The following PFKFB3 variants were observed in gnomAD, a reference collection of about 807,000 sequenced individuals.
PFKFB3 encodes 6-phosphofructo-2-kinase/fructose-2,6-biphosphatase 3, also known as 6-phosphofructo-2-kinase/fructose-2,6-bisphosphatase 3.
In PFKFB3, 33 loss-of-function variants were observed where a neutral mutation model predicts 68.0. The observed-to-expected ratio is 0.49, with a 90% CI of 0.37 to 0.65. The LOEUF is 0.65. PFKFB3 is among the 30% of genes least tolerant of loss of function. The probability of loss-of-function intolerance (pLI) is 0.00; values close to 1 mark genes in which losing one functional copy is unlikely to be tolerated. For missense variants in PFKFB3, 586 were observed against 712.2 expected, an observed-to-expected ratio of 0.82 and a Z score of 2.02; for synonymous variants, 315 against 288.2, an observed-to-expected ratio of 1.09 and a Z score of -0.94.
At chr10:6,250,215 G>C (rs1846349549) in intron 14 of PFKFB3, among the ~76,000 whole-genome samples, 1 of 152,136 alleles carries the variant, frequency 6.6e-6, no homozygotes, top group Admixed American at 6.5e-5. Flanking sequence ...TAAGAGATGT[G>C]CTATGGTTTG....
At chr10:6,206,722 T>A (rs1440355345) in intron 1 of PFKFB3, among the ~76,000 whole-genome samples, 1 of 144,736 alleles carries the variant, frequency 6.9e-6, no homozygotes, top group African/African-American at 2.6e-5. Flanking sequence ...ACTGCCTAGA[T>A]GGGATGGCGG....
chr10:6,178,867 C>T (rs1842617397), intron 1 of PFKFB3, among the ~76,000 whole-genome samples: 1 of 152,188 alleles, frequency 6.6e-6, no homozygotes, highest in African/African-American at 2.4e-5. Context: ...CGCACTGGTC[C>T]CTACCTTGGA....
chr10:6,150,634 T>C (rs1410090950), intron 1 of PFKFB3, among the ~76,000 whole-genome samples: 2 of 151,142 alleles, frequency 1.3e-5, no homozygotes, highest in South Asian at 2.1e-4. Context: ...AAAATAACAA[T>C]AATAATAAAT....
At chr10:6,216,215 C>T in intron 4 of PFKFB3, 24 bp downstream of exon 4, 1 of 1,609,324 alleles carries the variant, frequency 6.2e-7, no homozygotes, top group Non-Finnish European at 8.5e-7. Context: ...ATGTAGCCGG[C>T]TCGGTGTCCA....
In PFKFB3 at chr10:6,205,779, ATTAT is replaced by A. The variant is rs57825789; in HGVS notation, c.76+2469_76+2472del. Among the ~76,000 whole-genome samples the A allele has an allele frequency of 7.8e-3, 1,147 of 146,282 alleles. 16 individuals are homozygous for A. The highest frequency in any genetic ancestry group is 0.026 in the African/African-American group (1,045 of 39,746). Reference sequence around the variant, plus strand: ...TCTGCAGCAGAGTTCCCTGAGGTTTATTATTTATTTATTTATTTATTTATTTATT... The same window carrying A: ...TCTGCAGCAGAGTTCCCTGAGGTTTATTATTTATTTATTTATTTATTTATT... On this transcript the variant is annotated intron_variant, in intron 1 of 14. Coordinates refer to ENST00000379775, the MANE Select transcript of PFKFB3 (RefSeq NM_004566.4).
At chr10:6,250,219 T>C (rs1846349751) in intron 14 of PFKFB3, among the ~76,000 whole-genome samples, 2 of 152,220 alleles carry the variant, frequency 1.3e-5, no homozygotes, top group East Asian at 1.9e-4. Context: ...AGATGTGCTA[T>C]GGTTTGAATG....
At chr10:6,275,991 G>A in the PFKFB3 span, among the ~76,000 whole-genome samples, 1 of 152,206 alleles carries the variant, frequency 6.6e-6, no homozygotes, top group Middle Eastern at 3.4e-3. This position sits in a 1 kb window ranked among gnomAD's most constrained non-coding sequence, Gnocchi z 4.9. Flanking sequence ...GCTATTTCAT[G>A]CTTGAAATCA....
intron 1 of PFKFB3, chr10:6,146,285 T>C: frequency 6.7e-7 from 1 of 1,494,216 alleles, no homozygotes; most frequent in South Asian, 1.3e-5. Context: ...TGTACCGGAC[T>C]TGTTTTTCAA....
At chr10:6,181,316 C>G (rs529301128) in intron 1 of PFKFB3, among the ~76,000 whole-genome samples, 4 of 147,098 alleles carry the variant, frequency 2.7e-5, no homozygotes, top group East Asian at 4.3e-4. Flanking sequence ...CTGCACGCAG[C>G]CCACGCCCAT....
In PFKFB3 at chr10:6,177,781, C is replaced by T. The variant is rs1396813591; in HGVS notation, c.16+32768C>T. On this transcript the variant is annotated intron_variant, in intron 1 of 14. Transcript: ENST00000379789. ...TCAGGTGATCTATCCGCCTTGGCCT[C>T]CCAAAGTTTGGGATTACAGGTGTGT... Among the ~76,000 whole-genome samples the T allele has an allele frequency of 2.0e-5, 3 of 152,118 alleles. No homozygotes were observed. In the East Asian group the frequency reaches 5.8e-4, roughly 29 times the overall value.
chr10:6,255,747 T>C (rs772138106), downstream of PFKFB3, among the ~76,000 whole-genome samples: 12 of 152,148 alleles, frequency 7.9e-5, no homozygotes, highest in Non-Finnish European at 1.8e-4. Flanking sequence ...GAAGCTCCAA[T>C]GTCCAGGCTC....
intron 14 of PFKFB3, among the ~76,000 whole-genome samples, chr10:6,243,469 C>T (rs1414498010): frequency 6.6e-6 from 1 of 152,186 alleles, no homozygotes; most frequent in African/African-American, 2.4e-5. Context: ...ACCCTTTCTT[C>T]CCCCTGGGAA....
the PFKFB3 span, among the ~76,000 whole-genome samples, chr10:6,278,162 T>C: frequency 4.6e-5 from 7 of 152,226 alleles, no homozygotes; most frequent in South Asian, 1.2e-3. Flanking sequence ...GTGATCCGCC[T>C]GCCTCGGCCT....
At chr10:6,209,417 CATAAA>C (rs1399587616) in intron 1 of PFKFB3, among the ~76,000 whole-genome samples, 1 of 152,128 alleles carries the variant, frequency 6.6e-6, no homozygotes. Flanking sequence ...TGAACATTTA[CATAAA>C]ATGAAATGAG....
upstream of PFKFB3, among the ~76,000 whole-genome samples, chr10:6,200,659 C>CGGGGGGGGGGGGGGG (rs57019530): frequency 8.7e-5 from 6 of 68,964 alleles, no homozygotes; most frequent in Admixed American, 1.3e-4. Flanking sequence ...ATGTAAGGAG[C>CGGGGGGGGGGGGGGG]GGGGGGGGGG....
At chr10:6,179,436 CT>C (rs1202771266) in intron 1 of PFKFB3, among the ~76,000 whole-genome samples, 16 of 152,224 alleles carry the variant, frequency 1.1e-4, no homozygotes, top group Admixed American at 1.0e-3. Context: ...AGCTTGTTCC[CT>C]TCTGTGCTGG....
chr10:6,256,764 T>G (rs1846499761), downstream of PFKFB3, among the ~76,000 whole-genome samples: 1 of 152,228 alleles, frequency 6.6e-6, no homozygotes, highest in South Asian at 2.1e-4. Context: ...CTTTCAGACC[T>G]GGATAGGATG....
chr10:6,268,517 C>T, the PFKFB3 span, among the ~76,000 whole-genome samples: 2 of 151,982 alleles, frequency 1.3e-5, no homozygotes, highest in Non-Finnish European at 2.9e-5. Flanking sequence ...CCCAGCTACT[C>T]AGGAGGCTGA....
the PFKFB3 span, among the ~76,000 whole-genome samples, chr10:6,291,408 TG>T: frequency 1.3e-5 from 2 of 152,076 alleles, no homozygotes; most frequent in Non-Finnish European, 2.9e-5. Flanking sequence ...AAAGATTAGC[TG>T]GGCATGGTGG....
Sources: allele counts gnomAD v4.1 joint callset (sites outside exome capture counted in the v4.1 genomes callset), GRCh38; gene constraint gnomAD v4.1.1; non-coding constraint Gnocchi (gnomAD v3.1); transcripts MANE v1.5; gene names NCBI Gene and HGNC (gene_info 2026-07-23, HGNC 2026-07-21).